The following PTPRG variants were observed in gnomAD, a reference collection of about 807,000 sequenced individuals.
PTPRG encodes the protein protein tyrosine phosphatase receptor type G, also known as receptor-type tyrosine-protein phosphatase gamma.
PTPRG carries 102 observed loss-of-function variants against 165.3 expected under a neutral mutation model. The observed-to-expected ratio is 0.62, with a 90% confidence interval of 0.53 to 0.73. The LOEUF is 0.73. PTPRG is among the 30% of genes least tolerant of loss of function. PTPRG has a pLI of 0.00. For synonymous variants in PTPRG, 675 were observed against 669.5 expected (o/e 1.01, Z -0.13); for missense variants, 1,866 against 1,861.4 (o/e 1.00, Z -0.05).
chr3:61,670,662 G>A (rs368634762), intron 1 of PTPRG, among the ~76,000 whole-genome samples: 2 of 152,166 alleles, frequency 1.3e-5, no homozygotes, highest in East Asian at 3.8e-4. Context: ...GCTATGGGAG[G>A]CAGAGTTCTT....
intron 6 of PTPRG, among the ~76,000 whole-genome samples, chr3:62,140,109 A>G (rs1353139472): frequency 6.6e-6 from 1 of 152,184 alleles, no homozygotes; most frequent in Non-Finnish European, 1.5e-5. Context: ...TTGCATCACC[A>G]GCCACACATT....
intron 4 of PTPRG, among the ~76,000 whole-genome samples, chr3:62,019,135 G>A (rs568255296): frequency 6.6e-6 from 1 of 152,212 alleles, no homozygotes; most frequent in South Asian, 2.1e-4. Flanking sequence ...CATAATTCAG[G>A]GTAGATTTTC....
rs1702202325 is a variant in PTPRG at position 62,275,521 on chromosome 3, GT to G, written c.3466-350del. Among the ~76,000 whole-genome samples the G allele has an allele frequency of 2.6e-5, 4 of 152,302 alleles. No individual in the cohort carries two copies. In the South Asian group the frequency reaches 8.3e-4, roughly 32 times the overall value. ...AGTACCACTAGGAAAGCACAAGAGT[GT>G]TCTCTGGGGCTGGGCATGGTAGATT... On this transcript the variant is annotated intron_variant, in intron 23 of 29. Coordinates refer to ENST00000474889, the MANE Select transcript of PTPRG (RefSeq NM_002841.4).
At chr3:61,974,423 G>A (rs1431669378) in intron 2 of PTPRG, among the ~76,000 whole-genome samples, 1 of 151,972 alleles carries the variant, frequency 6.6e-6, no homozygotes, top group Non-Finnish European at 1.5e-5. Flanking sequence ...CATTATGGCT[G>A]GTTCCTGTAA....
chr3:62,177,903 T>C (rs917769800), intron 8 of PTPRG, among the ~76,000 whole-genome samples: 14 of 152,288 alleles, frequency 9.2e-5, no homozygotes, highest in African/African-American at 7.2e-5. Flanking sequence ...ATGTGATTTT[T>C]CCCCCTAATA....
intron 1 of PTPRG, among the ~76,000 whole-genome samples, chr3:61,685,024 G>A (rs762005445): frequency 1.9e-4 from 29 of 152,034 alleles, no homozygotes; most frequent in Non-Finnish European, 3.7e-4. Flanking sequence ...CCCTCTCTCT[G>A]TTACTCCTCC....
chr3:62,007,305 T>C (rs930808733), intron 4 of PTPRG, among the ~76,000 whole-genome samples: 2 of 152,274 alleles, frequency 1.3e-5, no homozygotes, highest in African/African-American at 2.4e-5. Context: ...GCTGGAATCC[T>C]AGACTCCGTC....
At chr3:62,169,653 GA>G (rs908563267) in intron 8 of PTPRG, among the ~76,000 whole-genome samples, 6 of 152,054 alleles carry the variant, frequency 3.9e-5, no homozygotes, top group Non-Finnish European at 8.8e-5. Flanking sequence ...AGGGAGGAAG[GA>G]AAAAGAAGGA....
chr3:62,014,537 T>A (rs1320731515), intron 4 of PTPRG, among the ~76,000 whole-genome samples: 1 of 152,202 alleles, frequency 6.6e-6, no homozygotes, highest in Non-Finnish European at 1.5e-5. Context: ...AACTCCTGAA[T>A]CTCCCTATTA....
intron 5 of PTPRG, among the ~76,000 whole-genome samples, chr3:62,110,938 A>G (rs894387201): frequency 2.6e-5 from 4 of 152,214 alleles, no homozygotes; most frequent in African/African-American, 9.6e-5. Flanking sequence ...GGCTGTATAA[A>G]TTACTGGAAG....
chr3:62,286,981 G>A (rs1206365313), intron 28 of PTPRG, among the ~76,000 whole-genome samples: 1 of 152,056 alleles, frequency 6.6e-6, no homozygotes, highest in East Asian at 1.9e-4. Flanking sequence ...TGACTTGCGA[G>A]TTTCTTGTCA....
intron 1 of PTPRG, among the ~76,000 whole-genome samples, chr3:61,747,652 A>T (rs1338494513): frequency 6.6e-6 from 1 of 152,034 alleles, no homozygotes; most frequent in African/African-American, 2.4e-5. Context: ...TTTTTTAATG[A>T]CTGTCACATT....
intron 1 of PTPRG, among the ~76,000 whole-genome samples, chr3:61,712,204 G>A (rs932463692): frequency 2.6e-5 from 4 of 151,906 alleles, no homozygotes; most frequent in African/African-American, 9.7e-5. Flanking sequence ...TGTTATTATA[G>A]TCTTTAAAAA....
chr3:62,286,960 T>TTTGA (rs1392647759), intron 28 of PTPRG, among the ~76,000 whole-genome samples: 1 of 152,132 alleles, frequency 6.6e-6, no homozygotes, highest in Admixed American at 6.6e-5. Flanking sequence ...TATCTGTGCA[T>TTTGA]TTGATTGATT....
chr3:61,865,056 G>C (rs538238594), intron 2 of PTPRG, among the ~76,000 whole-genome samples: 28 of 152,024 alleles, frequency 1.8e-4, no homozygotes, highest in African/African-American at 6.3e-4. Context: ...TCAAGCACTT[G>C]GCTGTGTTTG....
At chr3:61,731,085 T>G (rs1343120731) in intron 1 of PTPRG, among the ~76,000 whole-genome samples, 3 of 152,226 alleles carry the variant, frequency 2.0e-5, no homozygotes, top group African/African-American at 7.2e-5. Context: ...CTGATGGATT[T>G]ATGAGCCTCA....
chr3:62,088,641 TAGAA>T, intron 5 of PTPRG, among the ~76,000 whole-genome samples: 1 of 152,334 alleles, frequency 6.6e-6, no homozygotes, highest in East Asian at 1.9e-4. Flanking sequence ...ACCAATTTAA[TAGAA>T]CATTGACTTA....
At chr3:61,828,422 A>C (rs2036173434) in intron 2 of PTPRG, among the ~76,000 whole-genome samples, 1 of 152,236 alleles carries the variant, frequency 6.6e-6, no homozygotes. Context: ...GAAGAAATCT[A>C]AGTTCTAGCT....
intron 2 of PTPRG, among the ~76,000 whole-genome samples, chr3:61,830,920 G>T (rs2036271357): frequency 6.6e-6 from 1 of 152,180 alleles, no homozygotes; most frequent in Non-Finnish European, 1.5e-5. Flanking sequence ...AATTTGTGGA[G>T]CTGTAGTGAA....
Sources: gnomAD v4.1 joint callset for allele counts (sites outside exome capture counted in the v4.1 genomes callset) on GRCh38, gnomAD v4.1.1 for gene constraint, MANE v1.5 for transcripts, NCBI Gene and HGNC (gene_info 2026-07-23, HGNC 2026-07-21) for gene names.